The following LRRC7 variants were observed in gnomAD, a reference collection of about 807,000 sequenced individuals.
LRRC7 encodes leucine-rich repeat-containing protein 7.
A neutral mutation model predicts 175.7 loss-of-function variants in LRRC7; 23 were observed. The ratio of observed to expected loss-of-function variants is 0.13; its 90% confidence interval spans 0.09 to 0.19. The LOEUF (loss-of-function observed/expected upper bound fraction) is 0.19, where lower values mean the gene tolerates loss of function less well. LRRC7 is among the 10% of genes least tolerant of loss of function. LRRC7 has a pLI of 1.00. For missense variants in LRRC7, 1,354 were observed against 1,904.7 expected (o/e 0.71, Z 5.38); for synonymous variants, 685 against 680.9 (o/e 1.01, Z -0.09).
intron 2 of LRRC7, among the ~76,000 whole-genome samples, chr1:69,735,972 G>A (rs1668072274): frequency 6.6e-6 from 1 of 151,922 alleles, no homozygotes; most frequent in South Asian, 2.1e-4. Context: ...TAAAACAATA[G>A]AAATTTAATT....
chr1:69,616,195 C>G (rs10489550), intron 1 of LRRC7, among the ~76,000 whole-genome samples: 34,256 of 151,780 alleles, frequency 0.23, 4,886 homozygotes, highest in Middle Eastern at 0.33. Flanking sequence ...GTAATCATAA[C>G]GCAGTAAATA....
chr1:69,993,514 A>G (rs564128804), intron 10 of LRRC7, among the ~76,000 whole-genome samples: 61 of 152,286 alleles, frequency 4.0e-4, no homozygotes, highest in Non-Finnish European at 7.4e-4. Context: ...CACTAGTTCA[A>G]CAACATACTG....
rs1308368314 is a variant in LRRC7 at position 70,089,801 on chromosome 1, A to C, written c.4527A>C (p.Pro1509=). Reference sequence around the variant, plus strand: ...GTGGAATTAGTGGACAAGGAAATCCATTCAAACCTTCTGACAAGGTAAGAA... The same window carrying C: ...GTGGAATTAGTGGACAAGGAAATCCCTTCAAACCTTCTGACAAGGTAAGAA... The part of the protein sequence containing the change: ...ISGGISGQGN[P]FKPSDKGIFV... The change falls in exon 25 of 27, where the codon CCA becomes CCC. Residue 1509 remains proline, a synonymous_variant. Coordinates refer to ENST00000651989, the MANE Select transcript of LRRC7 (RefSeq NM_001370785.2). 6.2e-7 allele frequency: 1 copy of C among 1,605,868 alleles called. No homozygotes were observed. The highest frequency in any genetic ancestry group is 2.2e-5 in the East Asian group (1 of 44,634).
At chr1:69,590,885 G>T (rs1440338561) in intron 1 of LRRC7, among the ~76,000 whole-genome samples, 1 of 152,028 alleles carries the variant, frequency 6.6e-6, no homozygotes, top group Admixed American at 6.6e-5. Flanking sequence ...TCACAGAGAG[G>T]TAAGGATTGA....
At chr1:69,776,598 T>G (rs1321276538) in intron 3 of LRRC7, among the ~76,000 whole-genome samples, 1 of 152,196 alleles carries the variant, frequency 6.6e-6, no homozygotes, top group East Asian at 1.9e-4. Flanking sequence ...AGTCAGAGAT[T>G]AGAGGAAACA....
At chr1:69,888,828 A>G (rs1164763721) in intron 7 of LRRC7, among the ~76,000 whole-genome samples, 1 of 152,154 alleles carries the variant, frequency 6.6e-6, no homozygotes, top group Non-Finnish European at 1.5e-5. Flanking sequence ...CAGTTGTAAA[A>G]TGGATACACA....
At chr1:69,568,810 G>T (rs1387356095) in intron 1 of LRRC7, among the ~76,000 whole-genome samples, 169 bp downstream of exon 1, 1 of 152,158 alleles carries the variant, frequency 6.6e-6, no homozygotes, top group Admixed American at 6.5e-5. Flanking sequence ...GAGGGAGGCG[G>T]CGAAGATGTG....
chr1:69,953,185 T>G (rs1650128736), intron 8 of LRRC7, among the ~76,000 whole-genome samples: 1 of 151,974 alleles, frequency 6.6e-6, no homozygotes, highest in African/African-American at 2.4e-5. Context: ...TAAATTGAAC[T>G]GCTTGCTGTC....
intron 3 of LRRC7, among the ~76,000 whole-genome samples, chr1:69,773,821 A>C (rs1672511103): frequency 6.6e-6 from 1 of 152,192 alleles, no homozygotes; most frequent in Non-Finnish European, 1.5e-5. Flanking sequence ...AAGGACCTTA[A>C]AGCACAACGA....
intron 1 of LRRC7, among the ~76,000 whole-genome samples, chr1:69,618,163 C>T (rs556680654): frequency 6.7e-4 from 102 of 152,202 alleles, no homozygotes; most frequent in African/African-American, 2.3e-3. Context: ...TGGCTCCAAG[C>T]TCTGGGAATT....
intron 8 of LRRC7, among the ~76,000 whole-genome samples, chr1:69,964,391 G>A (rs1321130321): frequency 1.3e-5 from 2 of 152,120 alleles, no homozygotes; most frequent in Non-Finnish European, 2.9e-5. Flanking sequence ...ACAAAGCCTG[G>A]ATCTGAACTC....
chr1:69,617,591 C>A (rs1336797120), intron 1 of LRRC7, among the ~76,000 whole-genome samples: 1 of 123,248 alleles, frequency 8.1e-6, no homozygotes, highest in Non-Finnish European at 1.8e-5. Flanking sequence ...ACTCTGAGAC[C>A]TTGTGGGAGC....
intron 7 of LRRC7, among the ~76,000 whole-genome samples, chr1:69,906,934 A>T (rs937636515): frequency 2.0e-5 from 3 of 151,706 alleles, no homozygotes; most frequent in South Asian, 2.1e-4. Context: ...CTTTTATTTC[A>T]TTGAGCAGTG....
chr1:69,665,825 T>G (rs1198416666), intron 1 of LRRC7, among the ~76,000 whole-genome samples: 1 of 152,150 alleles, frequency 6.6e-6, no homozygotes, highest in Non-Finnish European at 1.5e-5. Context: ...TTCTTTCTCT[T>G]AGCTCATTGC....
Position 70,012,992 on chromosome 1 carries a change from G to A in LRRC7, c.1153G>A (p.Val385Ile). The change falls in exon 13 of 27, where the codon GTA (valine) becomes ATA (isoleucine). Residue 385 changes from valine (V) to isoleucine (I), a missense_variant. By Grantham distance (29) the Val-to-Ile change is conservative. Around this residue, in one of 4 missense-constraint regions of LRRC7, gnomAD observed 201 missense variants for 481.4 expected, o/e 0.42. Coordinates refer to ENST00000651989, the MANE Select transcript of LRRC7 (RefSeq NM_001370785.2). The part of the protein sequence containing the change: ...LPREIGSCKN[V>I]TVMSLRSNKL... Reference sequence around the variant, plus strand: ...CCTACAGATTGGAAGTTGTAAGAATGTAACAGTCATGTCTCTACGCTCCAA... The same window carrying A: ...CCTACAGATTGGAAGTTGTAAGAATATAACAGTCATGTCTCTACGCTCCAA... 1 of 1,562,362 alleles carries A rather than the reference G, an allele frequency of 6.4e-7. No individual in the cohort carries two copies.
chr1:69,665,316 A>AATTGTTTT (rs1658107828), intron 1 of LRRC7, among the ~76,000 whole-genome samples: 9 of 152,118 alleles, frequency 5.9e-5, no homozygotes, highest in Admixed American at 5.9e-4. Flanking sequence ...TAAATTTTAA[A>AATTGTTTT]ATTGTTTTTT....
At chr1:69,623,309 A>C (rs1013699511) in intron 1 of LRRC7, among the ~76,000 whole-genome samples, 18 of 152,116 alleles carry the variant, frequency 1.2e-4, no homozygotes, top group African/African-American at 4.3e-4. Context: ...ACACAAGATA[A>C]CTTTTCTGTA....
chr1:69,654,680 T>G (rs535281478), intron 1 of LRRC7, among the ~76,000 whole-genome samples: 2 of 152,242 alleles, frequency 1.3e-5, no homozygotes, highest in South Asian at 2.1e-4. Flanking sequence ...CTTTTTTCTA[T>G]AAGTTCATTT....
intron 2 of LRRC7, among the ~76,000 whole-genome samples, chr1:69,758,659 C>T (rs1205348807): frequency 1.3e-5 from 2 of 151,906 alleles, no homozygotes; most frequent in Non-Finnish European, 2.9e-5. Context: ...ACCCTCATTC[C>T]ACCCTCCACC....
Sources: gnomAD v4.1 joint callset for allele counts (sites outside exome capture counted in the v4.1 genomes callset) on GRCh38, gnomAD v4.1.1 for gene constraint, gnomAD v4.1.1 regional missense constraint, MANE v1.5 for transcripts, NCBI Gene and HGNC (gene_info 2026-07-23, HGNC 2026-07-21) for gene names.